The following OR52N4 variants were observed in gnomAD, a reference collection of about 807,000 sequenced individuals.
OR52N4 encodes olfactory receptor family 52 subfamily N member 4.
A neutral mutation model predicts 15.0 loss-of-function variants in OR52N4; 15 were observed. That is an observed-to-expected ratio of 1.00 (90% confidence interval 0.67 to 1.54). The LOEUF is 1.54. Ranked by LOEUF, OR52N4 falls within the 40% of genes most tolerant of loss-of-function variation. OR52N4 has a pLI of 0.00. For synonymous variants in OR52N4, 143 were observed against 143.7 expected, an observed-to-expected ratio of 1.00 and a Z score of 0.03; for missense variants, 421 against 394.0, an observed-to-expected ratio of 1.07 and a Z score of -0.58.
Position 5,755,615 on chromosome 11 carries a change from C to T in OR52N4, c.875C>T (p.Pro292Leu). 1 of 1,613,824 alleles carries T rather than the reference C, an allele frequency of 6.2e-7. No individual in the cohort carries two copies. The highest frequency in any genetic ancestry group is 8.5e-7 in the Non-Finnish European group (1 of 1,179,810). The change falls in exon 2 of 2, where the codon CCT (proline) becomes CTT (leucine). Residue 292 changes from proline (P) to leucine (L), a missense_variant. Coordinates refer to ENST00000641350, the MANE Select transcript of OR52N4 (RefSeq NM_001005175.5). Reference protein sequence around the residue: ...IYLLLPPTMNPIVYGVKTKQI... With the variant: ...IYLLLPPTMNLIVYGVKTKQI... ...CTGCTCCTACCACCCACTATGAACC[C>T]TATTGTCTATGGGGTGAAAACCAAA... is the stretch of plus-strand genomic sequence containing the variant.
At chr11:5,736,734 G>A in the OR52N4 span, 2 of 1,613,946 alleles carry the variant, frequency 1.2e-6, no homozygotes, top group Admixed American at 3.3e-5. Context: ...ATTTTCCTTG[G>A]CATCCTCTGT....
chr11:5,748,937 G>A, the OR52N4 span, among the ~76,000 whole-genome samples: 1 of 151,946 alleles, frequency 6.6e-6, no homozygotes, highest in East Asian at 1.9e-4. Context: ...TTTGGACACT[G>A]AGAATGGAAA....
chr11:5,746,025 G>A, the OR52N4 span, among the ~76,000 whole-genome samples: 2 of 152,160 alleles, frequency 1.3e-5, no homozygotes, highest in African/African-American at 2.4e-5. Context: ...ACTGATCTTC[G>A]ACAAAGTCAC....
At chr11:5,737,261 A>G in the OR52N4 span, 1 of 1,614,120 alleles carries the variant, frequency 6.2e-7, no homozygotes, top group Non-Finnish European at 8.5e-7. Context: ...GGCCCTGAGC[A>G]CTTGTAGTTC....
upstream of OR52N4, among the ~76,000 whole-genome samples, chr11:5,750,910 A>T (rs970884279): frequency 3.3e-5 from 5 of 152,050 alleles, no homozygotes; most frequent in Non-Finnish European, 5.9e-5. Context: ...TGAGTTTATA[A>T]GCTGCTATGT....
At chr11:5,742,125 A>G in the OR52N4 span, among the ~76,000 whole-genome samples, 1 of 152,034 alleles carries the variant, frequency 6.6e-6, no homozygotes, top group Non-Finnish European at 1.5e-5. Flanking sequence ...AAGAGAGAGA[A>G]AGAAAGAAAA....
the OR52N4 span, chr11:5,737,941 A>G: frequency 6.3e-6 from 1 of 159,286 alleles, no homozygotes; most frequent in African/African-American, 2.4e-5. Flanking sequence ...TTACTCCAGT[A>G]ATATGAAATA....
the OR52N4 span, chr11:5,734,217 G>A: frequency 4.4e-6 from 2 of 455,944 alleles, no homozygotes; most frequent in Non-Finnish European, 4.4e-6. Flanking sequence ...CAGACTGTGA[G>A]TCTGTGTTCA....
rs762927464 is a variant in OR52N4 at position 5,755,192 on chromosome 11, T to C, written c.452T>C (p.Phe151Ser). The change falls in exon 2 of 2, where the codon TTC becomes TCC. Residue 151 changes from phenylalanine to serine, a missense_variant. Phe to Ser is a radical substitution (Grantham distance 155). Coordinates refer to ENST00000641350, the MANE Select transcript of OR52N4 (RefSeq NM_001005175.5). ...ATTGCAAAGGTTGGGACTGCCACCT[T>C]CCTGAGAGGGGTATTACTCATTATT... ...PVIAKVGTAT[F>S]LRGVLLIIPF... 1 of 1,614,030 alleles carries C rather than the reference T, an allele frequency of 6.2e-7. No individual in the cohort carries two copies. The highest frequency in any genetic ancestry group is 1.1e-5 in the South Asian group (1 of 91,076).
At chr11:5,734,971 A>G in the OR52N4 span, among the ~76,000 whole-genome samples, 2 of 152,134 alleles carry the variant, frequency 1.3e-5, no homozygotes, top group Non-Finnish European at 2.9e-5. Context: ...TTATTCAAAC[A>G]TACAGGCAGT....
the OR52N4 span, among the ~76,000 whole-genome samples, chr11:5,742,100 A>G: frequency 6.6e-6 from 1 of 152,102 alleles, no homozygotes; most frequent in Non-Finnish European, 1.5e-5. Flanking sequence ...GAAGAAAGCA[A>G]GCAAACAAGA....
chr11:5,729,247 G>A, the OR52N4 span, among the ~76,000 whole-genome samples: 5 of 147,254 alleles, frequency 3.4e-5, no homozygotes, highest in Non-Finnish European at 7.4e-5. Context: ...AGCCTCCCGA[G>A]TAGCTAGGAC....
chr11:5,747,298 C>T, the OR52N4 span, among the ~76,000 whole-genome samples: 1 of 151,326 alleles, frequency 6.6e-6, no homozygotes, highest in Non-Finnish European at 1.5e-5. Context: ...GACAGACCTC[C>T]TATCTAAAAA....
the OR52N4 span, among the ~76,000 whole-genome samples, chr11:5,743,038 G>A: frequency 3.9e-5 from 6 of 152,174 alleles, no homozygotes; most frequent in East Asian, 1.2e-3. Context: ...AAGCAAAAAG[G>A]TATAAAAAGA....
At chr11:5,735,482 T>C in the OR52N4 span, among the ~76,000 whole-genome samples, 1 of 151,968 alleles carries the variant, frequency 6.6e-6, no homozygotes, top group Non-Finnish European at 1.5e-5. Flanking sequence ...AAAGATCAGA[T>C]TGCTAGCAGA....
the OR52N4 span, among the ~76,000 whole-genome samples, chr11:5,730,252 C>G: frequency 1.4e-5 from 2 of 140,444 alleles, no homozygotes; most frequent in African/African-American, 2.7e-5. Flanking sequence ...AGTGCAGTGG[C>G]ACAATCTCAG....
At chr11:5,732,598 T>C in the OR52N4 span, among the ~76,000 whole-genome samples, 8 of 152,176 alleles carry the variant, frequency 5.3e-5, no homozygotes, top group Non-Finnish European at 1.2e-4. Flanking sequence ...CTCTTTTTCT[T>C]TCTCAACATT....
chr11:5,745,527 C>A, the OR52N4 span, among the ~76,000 whole-genome samples: 3 of 152,054 alleles, frequency 2.0e-5, no homozygotes, highest in African/African-American at 7.2e-5. Context: ...AACTATGATA[C>A]ACTGATGAAA....
chr11:5,739,582 C>A, the OR52N4 span, among the ~76,000 whole-genome samples: 697 of 95,206 alleles, frequency 7.3e-3, 138 homozygotes, highest in African/African-American at 0.027. Context: ...AAAAAAAAAA[C>A]CATGATAAGT....
Sources: gnomAD v4.1 joint callset for allele counts (sites outside exome capture counted in the v4.1 genomes callset) on GRCh38, gnomAD v4.1.1 for gene constraint, MANE v1.5 for transcripts, NCBI Gene and HGNC (gene_info 2026-07-23, HGNC 2026-07-21) for gene names.